Variants in SLC45A4 observed in about 807,000 individuals in gnomAD.
SLC45A4 encodes solute carrier family 45 member 4.
In SLC45A4, 32 loss-of-function variants were observed where a neutral mutation model predicts 63.7. That is an observed-to-expected ratio of 0.50 (90% CI 0.38 to 0.67). The LOEUF (loss-of-function observed/expected upper bound fraction) is 0.67, where lower values mean the gene tolerates loss of function less well. Ranked by LOEUF, SLC45A4 falls within the 30% of genes least tolerant of loss-of-function variation. SLC45A4 has a pLI of 0.00. For missense variants in SLC45A4, 1,027 were observed against 1,157.7 expected, an observed-to-expected ratio of 0.89 and a Z score of 1.64; for synonymous variants, 535 against 510.0, an observed-to-expected ratio of 1.05 and a Z score of -0.66.
chr8:141,305,057 C>T (rs1203119550), intron 1 of SLC45A4, among the ~76,000 whole-genome samples: 1 of 152,156 alleles, frequency 6.6e-6, no homozygotes, highest in African/African-American at 2.4e-5. Context: ...AGATTCATTT[C>T]CACGAACATT....
intron 1 of SLC45A4, among the ~76,000 whole-genome samples, chr8:141,303,911 T>C (rs1563687148): frequency 6.6e-6 from 1 of 152,126 alleles, no homozygotes; most frequent in African/African-American, 2.4e-5. Context: ...CTCAATGACT[T>C]GAAAGGTTAC....
At chr8:141,246,076 C>A (rs1178324715) in intron 2 of SLC45A4, among the ~76,000 whole-genome samples, 2 of 152,166 alleles carry the variant, frequency 1.3e-5, no homozygotes, top group African/African-American at 4.8e-5. Flanking sequence ...AAACGAGTTA[C>A]AATCTAAGGT....
chr8:141,279,585 A>C (rs1198496763), intron 1 of SLC45A4, among the ~76,000 whole-genome samples: 4 of 152,220 alleles, frequency 2.6e-5, no homozygotes, highest in Non-Finnish European at 5.9e-5. Flanking sequence ...TCGAGTACAC[A>C]ATTCCGCATT....
chr8:141,253,873 C>CA (rs1467591456), intron 2 of SLC45A4, 116 bp downstream of exon 2: 1 of 1,439,688 alleles, frequency 6.9e-7, no homozygotes, highest in African/African-American at 1.4e-5. Context: ...ACAAAGACTC[C>CA]AGTGCCCGGG....
intron 2 of SLC45A4, among the ~76,000 whole-genome samples, chr8:141,238,023 A>G (rs564184539): frequency 6.6e-6 from 1 of 152,236 alleles, no homozygotes; most frequent in Non-Finnish European, 1.5e-5. Flanking sequence ...GAAGTTTCTC[A>G]ACTATTTTGG....
At chr8:141,212,145 C>CCCGGGGGGGGGGG in intron 8 of SLC45A4, 52 bp downstream of exon 8, 1 of 955,986 alleles carries the variant, frequency 1.0e-6, no homozygotes, top group Non-Finnish European at 1.3e-6. Context: ...GCCGCCCGCC[C>CCCGGGGGGGGGGG]GCCCGCCCAC....
chr8:141,217,935 G>A (rs1362755064), intron 5 of SLC45A4, 76 bp downstream of exon 5: 38 of 1,478,656 alleles, frequency 2.6e-5, no homozygotes, highest in Middle Eastern at 2.1e-4. Context: ...GAGGCCCCCC[G>A]GCCCAGCCCG....
chr8:141,299,768 C>T (rs566291925), intron 1 of SLC45A4, among the ~76,000 whole-genome samples: 27 of 152,372 alleles, frequency 1.8e-4, no homozygotes, highest in African/African-American at 6.0e-4. Flanking sequence ...TCTGCTGTAC[C>T]TGTTCTTCTT....
chr8:141,288,988 GA>G (rs33955089), intron 1 of SLC45A4, among the ~76,000 whole-genome samples: 30,477 of 152,178 alleles, frequency 0.2, 3,640 homozygotes, highest in East Asian at 0.38. Context: ...GCGTGGGTGG[GA>G]AAAGAGGTCC....
chr8:141,287,847 G>A (rs1490544383), intron 1 of SLC45A4, among the ~76,000 whole-genome samples: 2 of 152,182 alleles, frequency 1.3e-5, no homozygotes, highest in Non-Finnish European at 1.5e-5. Context: ...ACAGTCCACA[G>A]GGTAGCACAC....
At chr8:141,288,427 A>C (rs1266652653) in intron 1 of SLC45A4, among the ~76,000 whole-genome samples, 1 of 152,242 alleles carries the variant, frequency 6.6e-6, no homozygotes, top group Non-Finnish European at 1.5e-5. Context: ...CATACGACAG[A>C]GTGACCCACC....
chr8:141,251,603 C>G (rs565675832), intron 2 of SLC45A4, among the ~76,000 whole-genome samples: 1 of 152,020 alleles, frequency 6.6e-6, no homozygotes, highest in African/African-American at 2.4e-5. Context: ...CGGTCTCCTA[C>G]GTCCGAGCCC....
intron 1 of SLC45A4, among the ~76,000 whole-genome samples, chr8:141,271,939 TCA>T (rs533980181): frequency 1.1e-3 from 166 of 145,036 alleles, no homozygotes; most frequent in African/African-American, 3.9e-3. Flanking sequence ...ACACCTGCAT[TCA>T]CACATGCACT....
intron 2 of SLC45A4, among the ~76,000 whole-genome samples, chr8:141,252,953 A>C (rs1828568226): frequency 7.3e-6 from 1 of 137,574 alleles, no homozygotes; most frequent in Admixed American, 7.5e-5. Context: ...CCGTGTTTTC[A>C]CGCCCACCTG....
intron 2 of SLC45A4, among the ~76,000 whole-genome samples, chr8:141,253,465 A>T (rs1367031007): frequency 6.6e-6 from 1 of 152,254 alleles, no homozygotes; most frequent in African/African-American, 2.4e-5. Context: ...CAATGATAAG[A>T]TGACAGCATC....
intron 1 of SLC45A4, chr8:141,292,979 C>G (rs1472902920): frequency 1.3e-5 from 2 of 152,206 alleles, no homozygotes; most frequent in Non-Finnish European, 2.9e-5. Flanking sequence ...TACATACCCC[C>G]TAGGGCCCAG....
rs1398469778 is a variant in SLC45A4, at chr8:141,278,494, C to T, written c.-400-23865G>A. 4 of 149,402 alleles carry T rather than the reference C, an allele frequency of 2.7e-5. 1 individual carries two copies. The highest frequency in any genetic ancestry group is 1.0e-4 in the African/African-American group (4 of 39,140). The allele number at this position is 149,402 out of a possible 1,614,324, so 9.3% of individuals were successfully genotyped here. On this transcript the variant is annotated intron_variant, in intron 1 of 8. Transcript: ENST00000517878. The surrounding 1 kb of genome is among the most constrained non-coding windows in gnomAD (Gnocchi z 4.1). ...GACACTGGCGGGACAGGGGTGAGCA[C>T]CTGTGGTGGAGGCGGGGCGGGCGGC...
intron 1 of SLC45A4, among the ~76,000 whole-genome samples, chr8:141,268,715 C>T (rs2154614885): frequency 6.6e-6 from 1 of 152,160 alleles, no homozygotes; most frequent in Middle Eastern, 3.4e-3. Context: ...AGGAAGAAAC[C>T]AAAACTCTTC....
In SLC45A4 at chr8:141,229,925, C is replaced by T. The variant is rs934337438; in HGVS notation, c.242-8160G>A. 1.3e-5 allele frequency among the ~76,000 whole-genome samples: 2 copies of T among 152,184 alleles called. No homozygotes were observed. Among genetic ancestry groups the T allele is most frequent in the African/African-American group, 2.4e-5 (1 of 41,450 alleles). ...ATGGAGATTAAAGGAGAACATGGTG[C>T]GCACAGCTCAGCGCTGGACACTAGA... On this transcript the variant is annotated intron_variant, in intron 2 of 8. Transcript: ENST00000517878. The surrounding 1 kb of genome is among the most constrained non-coding windows in gnomAD (Gnocchi z 5.0).
Sources: allele counts gnomAD v4.1 joint callset (sites outside exome capture counted in the v4.1 genomes callset), GRCh38; gene constraint gnomAD v4.1.1; non-coding constraint Gnocchi (gnomAD v3.1); transcripts MANE v1.5; gene names NCBI Gene and HGNC (gene_info 2026-07-23, HGNC 2026-07-21).